PCDH15: variants seen among roughly 807,000 people sequenced by gnomAD.
PCDH15 encodes the protein protocadherin related 15.
A neutral mutation model predicts 178.5 loss-of-function variants in PCDH15; 129 were observed. That is an observed-to-expected ratio of 0.72 (90% CI 0.63 to 0.84). The LOEUF is 0.84. Among genes scored for constraint, PCDH15 ranks in the 40% least tolerant of loss-of-function variants. The probability of loss-of-function intolerance (pLI) is 0.00; values close to 1 mark genes in which losing one functional copy is unlikely to be tolerated. For missense variants in PCDH15, 2,230 were observed against 2,099.9 expected (o/e 1.06, Z -1.21); for synonymous variants, 800 against 732.0 (o/e 1.09, Z -1.50).
chr10:54,713,517 G>A (rs543110056), intron 1 of PCDH15, among the ~76,000 whole-genome samples: 11 of 152,164 alleles, frequency 7.2e-5, no homozygotes, highest in African/African-American at 2.4e-4. Context: ...AGAAGTAACA[G>A]TTTAAATAAA....
At chr10:55,502,636 G>A (rs1840680757) in intron 2 of PCDH15, among the ~76,000 whole-genome samples, 1 of 151,592 alleles carries the variant, frequency 6.6e-6, no homozygotes, top group African/African-American at 2.4e-5. Flanking sequence ...AAGGGATAGA[G>A]GATTGCTGGT....
At chr10:55,442,864 T>C (rs1032237684) in intron 2 of PCDH15, among the ~76,000 whole-genome samples, 6 of 152,044 alleles carry the variant, frequency 3.9e-5, no homozygotes, top group Non-Finnish European at 7.4e-5. Flanking sequence ...AGTTTAGTGA[T>C]AATTGTGTAT....
chr10:55,396,129 T>C (rs1251396895), intron 2 of PCDH15, among the ~76,000 whole-genome samples: 2 of 152,196 alleles, frequency 1.3e-5, no homozygotes, highest in Non-Finnish European at 2.9e-5. Flanking sequence ...CATAATTGAT[T>C]TATTGCTTTC....
At chr10:54,371,557 GAAA>G (rs979156435) in intron 4 of PCDH15, among the ~76,000 whole-genome samples, 1 of 151,706 alleles carries the variant, frequency 6.6e-6, no homozygotes, top group Non-Finnish European at 1.5e-5. Context: ...GCAGAAATAA[GAAA>G]AATAGTTGAA....
intron 15 of PCDH15, among the ~76,000 whole-genome samples, chr10:54,099,513 A>AAAAAATATATAT (rs1347306483): frequency 4.2e-5 from 5 of 117,896 alleles, no homozygotes; most frequent in African/African-American, 1.1e-4. Context: ...AAAAAAAAAA[A>AAAAAATATATAT]ATATATATAT....
intron 1 of PCDH15, among the ~76,000 whole-genome samples, chr10:54,777,771 A>G (rs1949862263): frequency 6.6e-6 from 1 of 152,192 alleles, no homozygotes; most frequent in Non-Finnish European, 1.5e-5. Context: ...AAAAGAAAAA[A>G]ATTGAGAAAA....
intron 8 of PCDH15, among the ~76,000 whole-genome samples, chr10:54,312,526 T>A (rs992800327): frequency 6.6e-6 from 1 of 152,056 alleles, no homozygotes; most frequent in Non-Finnish European, 1.5e-5. Flanking sequence ...CCATAGCTAA[T>A]TTATGAAAAT....
chr10:55,168,559 T>C (rs1272184556), intron 1 of PCDH15, among the ~76,000 whole-genome samples: 1 of 152,144 alleles, frequency 6.6e-6, no homozygotes. Flanking sequence ...AACCTTCAAT[T>C]AGCCTCATTC....
At chr10:53,825,515 T>G (rs916142335) in intron 32 of PCDH15, among the ~76,000 whole-genome samples, 1 of 151,752 alleles carries the variant, frequency 6.6e-6, no homozygotes, top group African/African-American at 2.4e-5. Flanking sequence ...AACTGGTTAA[T>G]GCACACTGAC....
chr10:55,204,861 GA>G (rs1840352488), intron 1 of PCDH15, among the ~76,000 whole-genome samples: 1 of 151,920 alleles, frequency 6.6e-6, no homozygotes, highest in Non-Finnish European at 1.5e-5. Context: ...TACATACTAA[GA>G]AAACTCAAAT....
At chr10:54,571,796 T>C (rs1300938304) in intron 2 of PCDH15, among the ~76,000 whole-genome samples, 3 of 152,152 alleles carry the variant, frequency 2.0e-5, no homozygotes, top group African/African-American at 7.2e-5. Context: ...TAAAAAAAGC[T>C]TTTGTTTTTA....
At chr10:54,872,165 G>A (rs1954050981) in intron 3 of PCDH15, among the ~76,000 whole-genome samples, 2 of 151,734 alleles carry the variant, frequency 1.3e-5, no homozygotes, top group South Asian at 4.1e-4. Context: ...ATGTATATAT[G>A]TATTTATTAT....
intron 20 of PCDH15, among the ~76,000 whole-genome samples, chr10:53,996,159 C>T (rs779654365): frequency 2.0e-5 from 3 of 151,718 alleles, no homozygotes; most frequent in Non-Finnish European, 4.4e-5. Context: ...TTTAAATGCT[C>T]TTTATATGTT....
At chr10:54,650,541 A>G (rs867388749) in intron 2 of PCDH15, among the ~76,000 whole-genome samples, 28 of 152,280 alleles carry the variant, frequency 1.8e-4, no homozygotes, top group African/African-American at 6.5e-4. Context: ...TATTGATATG[A>G]TTCATAATTT....
rs536902804 is a variant in PCDH15 at position 54,731,736 on chromosome 10, G to A, written c.-28-67446C>T. Among the ~76,000 whole-genome samples the A allele has an allele frequency of 1.2e-4, 18 of 150,514 alleles. No individual in the cohort carries two copies. In the East Asian group the frequency reaches 3.3e-3, roughly 28 times the overall value. Reference sequence around the variant, plus strand: ...ATTGCATGTTCTCACTCATATGTGGGAACTGAACAAGTGACTATCATGAAG... The same window carrying A: ...ATTGCATGTTCTCACTCATATGTGGAAACTGAACAAGTGACTATCATGAAG... On this transcript the variant is annotated intron_variant, in intron 1 of 37. Transcript: ENST00000644397.
chr10:55,549,691 T>G (rs1482418497), intron 2 of PCDH15, among the ~76,000 whole-genome samples: 1 of 152,188 alleles, frequency 6.6e-6, no homozygotes, highest in Non-Finnish European at 1.5e-5. Flanking sequence ...TTTCTCCTAA[T>G]GACTTGAAAT....
At chr10:54,754,287 C>T (rs1946764128) in intron 1 of PCDH15, among the ~76,000 whole-genome samples, 1 of 152,150 alleles carries the variant, frequency 6.6e-6, no homozygotes, top group Non-Finnish European at 1.5e-5. Flanking sequence ...GATTCAGATA[C>T]TGCAATCAAC....
intron 1 of PCDH15, among the ~76,000 whole-genome samples, chr10:54,716,409 AT>A (rs2095480270): frequency 6.6e-6 from 1 of 152,108 alleles, no homozygotes; most frequent in Admixed American, 6.5e-5. Context: ...ATGTTCTTCC[AT>A]TTGTTTGTAT....
At chr10:54,631,382 T>C (rs948448635) in intron 2 of PCDH15, among the ~76,000 whole-genome samples, 1 of 152,122 alleles carries the variant, frequency 6.6e-6, no homozygotes, top group Admixed American at 6.6e-5. Context: ...CAGGTATTTA[T>C]TTATAGTAAT....
Sources: allele counts gnomAD v4.1 joint callset (sites outside exome capture counted in the v4.1 genomes callset), GRCh38; gene constraint gnomAD v4.1.1; transcripts MANE v1.5; gene names NCBI Gene and HGNC (gene_info 2026-07-23, HGNC 2026-07-21).